The following DPP10 variants were observed in gnomAD, a reference collection of about 807,000 sequenced individuals.
The protein encoded by DPP10 is dipeptidyl peptidase like 10.
A neutral mutation model predicts 120.9 loss-of-function variants in DPP10; 33 were observed. The observed-to-expected ratio is 0.27, with a 90% CI of 0.21 to 0.37. The LOEUF (loss-of-function observed/expected upper bound fraction) is 0.37, where lower values mean the gene tolerates loss of function less well. DPP10 is among the 10% of genes least tolerant of loss of function. DPP10 has a pLI of 1.00. For synonymous variants in DPP10, 337 were observed against 326.1 expected (o/e 1.03, Z -0.36); for missense variants, 816 against 942.8 (o/e 0.87, Z 1.76).
At chr2:114,889,082 A>G (rs922106631) in intron 1 of DPP10, among the ~76,000 whole-genome samples, 1 of 152,144 alleles carries the variant, frequency 6.6e-6, no homozygotes, top group Non-Finnish European at 1.5e-5. Flanking sequence ...ATCATGTGAA[A>G]ACACTAGAGA....
intron 5 of DPP10, among the ~76,000 whole-genome samples, chr2:115,569,561 A>T (rs1023404305): frequency 3.9e-5 from 6 of 152,208 alleles, no homozygotes; most frequent in African/African-American, 1.4e-4. Context: ...CTATCCTTAG[A>T]TTGTATCTAC....
intron 7 of DPP10, among the ~76,000 whole-genome samples, chr2:115,726,088 G>A (rs530508905): frequency 6.6e-6 from 1 of 152,036 alleles, no homozygotes. Flanking sequence ...TCTAACTGAG[G>A]TGGAAGCAAT....
chr2:114,607,289 T>C (rs958399009), intron 1 of DPP10, among the ~76,000 whole-genome samples: 1 of 152,154 alleles, frequency 6.6e-6, no homozygotes, highest in African/African-American at 2.4e-5. Context: ...AAGGACACAC[T>C]GCTCCTGTTT....
chr2:114,856,061 C>CA (rs774495669), intron 1 of DPP10, among the ~76,000 whole-genome samples: 22 of 150,834 alleles, frequency 1.5e-4, no homozygotes, highest in Non-Finnish European at 5.9e-5. Context: ...AAGGCTATAA[C>CA]AAAAAAAGAA....
chr2:114,568,688 A>G (rs1689398516), intron 1 of DPP10, among the ~76,000 whole-genome samples: 1 of 152,256 alleles, frequency 6.6e-6, no homozygotes, highest in Non-Finnish European at 1.5e-5. Flanking sequence ...TTCACCTTGC[A>G]TAAGTAAACG....
intron 1 of DPP10, among the ~76,000 whole-genome samples, chr2:115,246,842 G>A (rs1450098277): frequency 6.6e-6 from 1 of 152,102 alleles, no homozygotes; most frequent in Non-Finnish European, 1.5e-5. Context: ...ATCTTGAAGA[G>A]GGTTGAAGAA....
At chr2:115,201,902 G>A (rs2055757301) in intron 1 of DPP10, among the ~76,000 whole-genome samples, 1 of 152,072 alleles carries the variant, frequency 6.6e-6, no homozygotes, top group Admixed American at 6.6e-5. Flanking sequence ...GGCATTATCG[G>A]GTGAGAACGT....
intron 1 of DPP10, among the ~76,000 whole-genome samples, chr2:114,604,805 T>C (rs1057200548): frequency 5.9e-5 from 9 of 152,108 alleles, no homozygotes; most frequent in African/African-American, 2.2e-4. Flanking sequence ...ACCACTGTTA[T>C]TTATGTCTCT....
intron 1 of DPP10, among the ~76,000 whole-genome samples, chr2:115,239,236 C>T (rs765171785): frequency 2.6e-5 from 4 of 152,160 alleles, no homozygotes; most frequent in Non-Finnish European, 5.9e-5. Context: ...TATTAACCAT[C>T]CCATGGAATT....
In DPP10 at chr2:115,366,343, C is replaced by A. The variant is rs183196470; in HGVS notation, c.271+22431C>A. ...ATAGGAACAATTCTACTCATTAATA[C>A]CACCACTGCTGCTATTGAAATTTTG... On this transcript the variant is annotated intron_variant, in intron 3 of 25. Transcript: ENST00000410059. Among the ~76,000 whole-genome samples, 756 of 152,086 alleles carry A rather than the reference C, an allele frequency of 5.0e-3. 9 individuals are homozygous for A. The highest frequency in any genetic ancestry group is 0.016 in the African/African-American group (682 of 41,526).
chr2:115,360,317 G>A (rs1428988962), intron 3 of DPP10, among the ~76,000 whole-genome samples: 2 of 152,134 alleles, frequency 1.3e-5, no homozygotes, highest in Non-Finnish European at 2.9e-5. Flanking sequence ...GGGTGTGACT[G>A]TAGTGAATGT....
At chr2:114,952,458 A>T (rs56318536) in intron 1 of DPP10, among the ~76,000 whole-genome samples, 53,364 of 151,888 alleles carry the variant, frequency 0.35, 9,512 homozygotes, top group Middle Eastern at 0.47. Context: ...GTGGATTGAT[A>T]GTTGGGTTCT....
At chr2:114,627,188 T>C (rs1481413793) in intron 1 of DPP10, among the ~76,000 whole-genome samples, 2 of 152,224 alleles carry the variant, frequency 1.3e-5, no homozygotes, top group African/African-American at 4.8e-5. Flanking sequence ...TATTTGCTAG[T>C]TATGATGCAA....
At chr2:115,821,089 A>G (rs1309458804) in intron 21 of DPP10, among the ~76,000 whole-genome samples, 1 of 152,094 alleles carries the variant, frequency 6.6e-6, no homozygotes, top group Non-Finnish European at 1.5e-5. Flanking sequence ...TAAAACTTCC[A>G]TGTGTGCCTA....
At chr2:115,110,641 G>A (rs2049168136) in intron 1 of DPP10, among the ~76,000 whole-genome samples, 1 of 151,894 alleles carries the variant, frequency 6.6e-6, no homozygotes, top group South Asian at 2.1e-4. Context: ...ATATAGATGA[G>A]TCTCAGATTA....
intron 5 of DPP10, among the ~76,000 whole-genome samples, chr2:115,660,998 T>A (rs984297017): frequency 6.6e-6 from 1 of 152,048 alleles, no homozygotes; most frequent in Non-Finnish European, 1.5e-5. Flanking sequence ...CCACCCAGGC[T>A]GGAGTGCAGT....
At chr2:115,389,582 A>G (rs961906388) in intron 3 of DPP10, among the ~76,000 whole-genome samples, 4 of 152,166 alleles carry the variant, frequency 2.6e-5, no homozygotes, top group African/African-American at 7.2e-5. Context: ...ACCTAATGTT[A>G]TGAAGTCAAG....
chr2:115,628,155 T>C (rs1011021413), intron 5 of DPP10, among the ~76,000 whole-genome samples: 5 of 152,162 alleles, frequency 3.3e-5, no homozygotes, highest in Non-Finnish European at 5.9e-5. Context: ...AAAGCATTCC[T>C]ATCTCTCCAC....
chr2:114,454,471 C>A (rs553498979), intron 1 of DPP10, among the ~76,000 whole-genome samples: 1 of 152,302 alleles, frequency 6.6e-6, no homozygotes, highest in African/African-American at 2.4e-5. Context: ...CAAAACTGAG[C>A]TGACTGCTCA....
Sources: allele counts gnomAD v4.1 joint callset (sites outside exome capture counted in the v4.1 genomes callset), GRCh38; gene constraint gnomAD v4.1.1; transcripts MANE v1.5; gene names NCBI Gene and HGNC (gene_info 2026-07-23, HGNC 2026-07-21).